The following HERC3 variants were observed in gnomAD, a reference collection of about 807,000 sequenced individuals.
HERC3 encodes the protein HECT and RLD domain containing E3 ubiquitin protein ligase 3, also known as probable E3 ubiquitin-protein ligase HERC3.
HERC3 carries 58 observed loss-of-function variants against 129.9 expected under a neutral mutation model. The observed-to-expected ratio is 0.45, with a 90% CI of 0.36 to 0.56. The LOEUF (loss-of-function observed/expected upper bound fraction) is 0.56. Among genes scored for constraint, HERC3 ranks in the 20% least tolerant of loss-of-function variants. The pLI is 0.00. For synonymous variants in HERC3, 430 were observed against 451.0 expected, an observed-to-expected ratio of 0.95 and a Z score of 0.59; for missense variants, 835 against 1,244.2, an observed-to-expected ratio of 0.67 and a Z score of 4.95.
the HERC3 span, among the ~76,000 whole-genome samples, chr4:88,560,765 G>A: frequency 6.6e-6 from 1 of 151,948 alleles, no homozygotes; most frequent in African/African-American, 2.4e-5. Flanking sequence ...TTTTGTGTAT[G>A]GTGTAAGATA....
chr4:88,589,803 G>A (rs182597123), upstream of HERC3, among the ~76,000 whole-genome samples: 4 of 152,222 alleles, frequency 2.6e-5, no homozygotes, highest in South Asian at 2.1e-4. Context: ...AAGTACTGTG[G>A]TATCTTTACT....
the HERC3 span, among the ~76,000 whole-genome samples, chr4:88,552,265 C>T: frequency 6.6e-6 from 1 of 151,052 alleles, no homozygotes; most frequent in Non-Finnish European, 1.5e-5. Context: ...GCACATGTAC[C>T]CTAAAACTTA....
chr4:88,564,781 T>C, the HERC3 span, among the ~76,000 whole-genome samples: 2 of 152,156 alleles, frequency 1.3e-5, no homozygotes, highest in Non-Finnish European at 2.9e-5. Context: ...TAAGTTTGGG[T>C]TGCTCTTTTC....
rs61738481 is a variant in HERC3 at position 88,686,763 on chromosome 4, C to G, written c.2535C>G (p.Pro845=). ...GRSLQELLDY[P]GEDVEETFCL... ...GTCTCCAAGAGCTTTTAGATTACCC[C>G]GGGGAGGATGTGGAGGAGACTTTCT... The change falls in exon 22 of 26, where the codon CCC becomes CCG. Residue 845 remains proline, a synonymous_variant. Coordinates refer to ENST00000402738, the MANE Select transcript of HERC3 (RefSeq NM_014606.3). 8.7e-6 allele frequency: 14 copies of G among 1,611,464 alleles called. No individual in the cohort carries two copies. The Admixed American group carries it at 1.0e-4, about 12-fold the overall frequency.
chr4:88,573,390 T>C, the HERC3 span, among the ~76,000 whole-genome samples: 2 of 152,240 alleles, frequency 1.3e-5, no homozygotes, highest in African/African-American at 2.4e-5. Flanking sequence ...ATTTAAAATC[T>C]GAAATTAGAA....
chr4:88,592,785 T>G lies in HERC3; in HGVS notation c.-88+211T>G, dbSNP rs1023147132. On this transcript the variant is annotated intron_variant, in intron 1 of 25. Transcript: ENST00000402738. ...GGAGGTTGGGGCGCGGCGCCCTTAG[T>G]ACCCTGCGTACGCCTCCCTGGCGTT... is the stretch of plus-strand genomic sequence containing the variant. Among the ~76,000 whole-genome samples the G allele has an allele frequency of 2.6e-5, 4 of 151,502 alleles. No individual in the cohort carries two copies. The South Asian group carries it at 6.3e-4, about 24-fold the overall frequency.
At chr4:88,704,405 G>A in intron 24 of HERC3, 103 bp from the exon 25 acceptor site, 1 of 1,205,772 alleles carries the variant, frequency 8.3e-7, no homozygotes. Flanking sequence ...GAGGTGTCCT[G>A]TATCTCAGCA....
the HERC3 span, among the ~76,000 whole-genome samples, chr4:88,555,783 T>G: frequency 9.2e-5 from 14 of 152,324 alleles, no homozygotes; most frequent in African/African-American, 1.7e-4. Flanking sequence ...AGCAGGAATA[T>G]TCTATTCTTG....
At chr4:88,561,466 TG>T in the HERC3 span, among the ~76,000 whole-genome samples, 1 of 152,164 alleles carries the variant, frequency 6.6e-6, no homozygotes, top group Non-Finnish European at 1.5e-5. Context: ...TCAGGGTAAA[TG>T]GGGTATCCAT....
At chr4:88,706,180 A>G (rs976620650) in intron 25 of HERC3, among the ~76,000 whole-genome samples, 3 of 152,224 alleles carry the variant, frequency 2.0e-5, no homozygotes, top group African/African-American at 4.8e-5. Context: ...TGATTTTCTT[A>G]TAGTAATTTC....
chr4:88,678,924 CT>C (rs1578300246), intron 19 of HERC3, among the ~76,000 whole-genome samples: 2 of 152,100 alleles, frequency 1.3e-5, no homozygotes, highest in East Asian at 3.8e-4. Flanking sequence ...TCTTTTTGCC[CT>C]GTTTTCAATA....
the HERC3 span, among the ~76,000 whole-genome samples, chr4:88,574,546 A>C: frequency 6.6e-6 from 1 of 152,222 alleles, no homozygotes; most frequent in African/African-American, 2.4e-5. Flanking sequence ...TTCACCTGCA[A>C]AATGGAAGCT....
chr4:88,608,369 G>T (rs1723905719), intron 3 of HERC3, among the ~76,000 whole-genome samples: 1 of 152,168 alleles, frequency 6.6e-6, no homozygotes, highest in African/African-American at 2.4e-5. Flanking sequence ...CTAGTCAGGG[G>T]TTTCTTAACC....
At chr4:88,570,633 G>C in the HERC3 span, among the ~76,000 whole-genome samples, 5 of 152,184 alleles carry the variant, frequency 3.3e-5, no homozygotes, top group Admixed American at 3.3e-4. Context: ...CCTTCATGGA[G>C]TTTAGCTGAT....
At chr4:88,595,301 A>T (rs1396765443) in intron 1 of HERC3, among the ~76,000 whole-genome samples, 1 of 152,154 alleles carries the variant, frequency 6.6e-6, no homozygotes, top group Non-Finnish European at 1.5e-5. Context: ...AAATGTCAGG[A>T]ATTTTTATAA....
the HERC3 span, among the ~76,000 whole-genome samples, chr4:88,545,430 C>CCTTTTTTTTTTTTTTTTTTTTTT: frequency 5.0e-4 from 55 of 110,400 alleles, 1 homozygote; most frequent in East Asian, 4.1e-3. Context: ...TTTGAGAATT[C>CCTTTTTTTTTTTTTTTTTTTTTT]TTTTTTTTTT....
intron 23 of HERC3, among the ~76,000 whole-genome samples, chr4:88,689,349 TAA>T (rs143398618): frequency 5.5e-4 from 66 of 120,994 alleles, no homozygotes; most frequent in African/African-American, 6.7e-4. Context: ...TACAAAAAAG[TAA>T]AAAAAAAAAA....
At chr4:88,697,174 G>A in intron 23 of HERC3, 1 of 1,457,406 alleles carries the variant, frequency 6.9e-7, no homozygotes, top group Non-Finnish European at 9.1e-7. Context: ...TTTTTTCTTC[G>A]TGGGCTTTCT....
the HERC3 span, among the ~76,000 whole-genome samples, chr4:88,535,945 A>T: frequency 6.6e-6 from 1 of 152,210 alleles, no homozygotes; most frequent in East Asian, 1.9e-4. Context: ...AGTGCATCCA[A>T]TTCTTGGTTC....
Sources: allele counts gnomAD v4.1 joint callset (sites outside exome capture counted in the v4.1 genomes callset), GRCh38; gene constraint gnomAD v4.1.1; transcripts MANE v1.5; gene names NCBI Gene and HGNC (gene_info 2026-07-23, HGNC 2026-07-21).